Variants in SPON1 observed in about 807,000 individuals in gnomAD.
SPON1 encodes spondin-1.
Under a neutral mutation model 111.7 loss-of-function variants are expected in SPON1, and 52 were observed. That is an observed-to-expected ratio of 0.47 (90% CI 0.37 to 0.59). SPON1 has a LOEUF of 0.59. Among genes scored for constraint, SPON1 ranks in the 20% least tolerant of loss-of-function variants. The pLI, the probability that SPON1 is intolerant of heterozygous loss-of-function variation, is 0.00. For synonymous variants in SPON1, 410 were observed against 395.8 expected, an observed-to-expected ratio of 1.04 and a Z score of -0.43; for missense variants, 957 against 1,068.5, an observed-to-expected ratio of 0.90 and a Z score of 1.46.
intron 2 of SPON1, among the ~76,000 whole-genome samples, chr11:13,984,051 A>T (rs1165484750): frequency 6.6e-6 from 1 of 152,174 alleles, no homozygotes; most frequent in Non-Finnish European, 1.5e-5. Context: ...ATGTCCTTCT[A>T]TGGCAAAGAA....
At chr11:14,226,861 T>G (rs1848745984) in intron 6 of SPON1, among the ~76,000 whole-genome samples, 1 of 152,200 alleles carries the variant, frequency 6.6e-6, no homozygotes, top group Admixed American at 6.5e-5. Flanking sequence ...GAGGCTCCAT[T>G]GCACAGTCAG....
At chr11:14,199,698 T>C (rs1848440888) in intron 6 of SPON1, among the ~76,000 whole-genome samples, 1 of 152,198 alleles carries the variant, frequency 6.6e-6, no homozygotes, top group Admixed American at 6.5e-5. Flanking sequence ...CCTGCACCTT[T>C]TTCTCCTGCT....
chr11:14,185,171 A>G (rs1456675860), intron 6 of SPON1, among the ~76,000 whole-genome samples: 1 of 152,246 alleles, frequency 6.6e-6, no homozygotes, highest in African/African-American at 2.4e-5. Flanking sequence ...TCAAGGAAAC[A>G]GTATTATACA....
intron 6 of SPON1, among the ~76,000 whole-genome samples, chr11:14,216,347 G>T (rs1441163521): frequency 6.6e-6 from 1 of 152,062 alleles, no homozygotes; most frequent in Non-Finnish European, 1.5e-5. Flanking sequence ...TTTAAGTATT[G>T]GGCTATTCAC....
intron 2 of SPON1, among the ~76,000 whole-genome samples, chr11:13,997,690 C>T (rs1451461692): frequency 6.6e-6 from 1 of 152,178 alleles, no homozygotes; most frequent in African/African-American, 2.4e-5. Flanking sequence ...AGGAGAGAGA[C>T]AGTCTTCTCT....
chr11:14,122,032 C>T (rs1484489489), intron 5 of SPON1, among the ~76,000 whole-genome samples: 3 of 151,618 alleles, frequency 2.0e-5, no homozygotes, highest in African/African-American at 4.8e-5. Flanking sequence ...CTCTTTTTCT[C>T]TAGTTATTAG....
At chr11:14,178,404 A>C (rs1051990930) in intron 6 of SPON1, among the ~76,000 whole-genome samples, 1 of 147,642 alleles carries the variant, frequency 6.8e-6, no homozygotes, top group Non-Finnish European at 1.5e-5. Context: ...CCTGGGGAAC[A>C]AAGCGAGACT....
At position 14,056,823 on chromosome 11, in the gene SPON1, G is replaced by A. The variant is rs145981220; in HGVS notation, c.479+15169G>A. Among the ~76,000 whole-genome samples the A allele has an allele frequency of 6.9e-3, 1,049 of 152,240 alleles. 23 individuals carry two copies. Among genetic ancestry groups the A allele is most frequent in the African/African-American group, 0.024 (1,004 of 41,548 alleles). Reference sequence around the variant, plus strand: ...GGAGAATGGTGTGAACCTGGGAAGCGGAGCTTGCAGTAAGCGGAGATCGCG... The same window carrying A: ...GGAGAATGGTGTGAACCTGGGAAGCAGAGCTTGCAGTAAGCGGAGATCGCG... On this transcript the variant is annotated intron_variant, in intron 3 of 15. Transcript: ENST00000576479.
At chr11:14,224,754 G>T in intron 6 of SPON1, 1 of 502,958 alleles carries the variant, frequency 2.0e-6, no homozygotes, top group Non-Finnish European at 4.0e-6. Flanking sequence ...AAGACTGAGG[G>T]AGATATGAGG....
chr11:14,082,620 G>A lies in SPON1; in HGVS notation c.676+2599G>A, dbSNP rs943625947. ...GCTAATTATGATGGGCAGTATGGAG[G>A]AGAGTGTGAGTCAAACCTTCCATGG... is the stretch of plus-strand genomic sequence containing the variant. On this transcript the variant is annotated intron_variant, in intron 5 of 15. Coordinates refer to ENST00000576479, the MANE Select transcript of SPON1 (RefSeq NM_006108.4). 3.9e-5 allele frequency among the ~76,000 whole-genome samples: 6 copies of A among 152,324 alleles called. No homozygotes were observed. The East Asian group carries it at 1.2e-3, about 29-fold the overall frequency.
rs781816298 is a variant in SPON1, at chr11:14,259,287, C to T, written c.1500C>T (p.Ser500=). 1 of 1,611,526 alleles carries T rather than the reference C, an allele frequency of 6.2e-7. No individual in the cohort carries two copies. Among genetic ancestry groups the T allele is most frequent in the South Asian group, 1.1e-5 (1 of 90,330 alleles). The change falls in exon 12 of 16, where the codon TCC becomes TCT. Residue 500 remains serine, a synonymous_variant. Transcript: ENST00000576479. This position sits in a 1 kb window ranked among gnomAD's most constrained non-coding sequence, Gnocchi z 5.0. ...TCACTCGGTGTGTTGCAGACGGCTC[C>T]ACCTGCACCATGTCCGAGTGGATCA... ...MGPGCSDEDG[S]TCTMSEWITW... is the part of the protein sequence containing the mutation.
chr11:14,137,354 C>T (rs1348530866), intron 6 of SPON1, among the ~76,000 whole-genome samples: 1 of 152,170 alleles, frequency 6.6e-6, no homozygotes, highest in South Asian at 2.1e-4. Context: ...ACCACACAGG[C>T]AATGTCTGTC....
chr11:14,171,193 G>A (rs1400427153), intron 6 of SPON1, among the ~76,000 whole-genome samples: 1 of 151,928 alleles, frequency 6.6e-6, no homozygotes, highest in Non-Finnish European at 1.5e-5. Flanking sequence ...GTCTATTCAG[G>A]GATTCAACTT....
rs1849274907 is a variant in SPON1, at chr11:14,266,754, G to A, written c.*1067G>A. On this transcript the variant is annotated 3_prime_UTR_variant, in exon 16 of 16. Coordinates refer to ENST00000576479, the MANE Select transcript of SPON1 (RefSeq NM_006108.4). Reference sequence around the variant, plus strand: ...GCAGAGAGAAAAAGTTACCGAGACAGAAAACAAATCTAAGGGAAAGGAATA... The same window carrying A: ...GCAGAGAGAAAAAGTTACCGAGACAAAAAACAAATCTAAGGGAAAGGAATA... 1 of 152,114 alleles carries A rather than the reference G, an allele frequency of 6.6e-6. No individual in the cohort carries two copies. The highest frequency in any genetic ancestry group is 6.6e-5 in the Admixed American group (1 of 15,262). 9.4% of individuals were successfully genotyped at this position (152,114 alleles called of 1,614,324 possible).
chr11:14,046,349 G>T (rs1030719479), intron 3 of SPON1, among the ~76,000 whole-genome samples: 10 of 152,190 alleles, frequency 6.6e-5, no homozygotes, highest in African/African-American at 2.4e-4. Context: ...AATCTTTACG[G>T]AGTATTCTCA....
intron 5 of SPON1, among the ~76,000 whole-genome samples, chr11:14,088,163 T>G (rs1564902269): frequency 1.3e-5 from 2 of 152,244 alleles, no homozygotes; most frequent in African/African-American, 2.4e-5. Context: ...GTGAGTTTGA[T>G]CCTGTCATTA....
intron 3 of SPON1, among the ~76,000 whole-genome samples, chr11:14,066,806 C>T (rs140728329): frequency 1.2e-3 from 181 of 152,192 alleles, no homozygotes; most frequent in African/African-American, 4.1e-3. Flanking sequence ...TCTTATAAGG[C>T]CTTGTCCACA....
intron 3 of SPON1, among the ~76,000 whole-genome samples, chr11:14,058,022 C>CA (rs1189166812): frequency 1.3e-5 from 2 of 151,564 alleles, no homozygotes; most frequent in South Asian, 2.1e-4. Flanking sequence ...GTCTCAAAAA[C>CA]AAAAAAAGGA....
chr11:13,968,078 G>T (rs1378454424), intron 1 of SPON1, among the ~76,000 whole-genome samples: 1 of 152,168 alleles, frequency 6.6e-6, no homozygotes, highest in Non-Finnish European at 1.5e-5. Context: ...ACCACTATGG[G>T]CTGGTATATC....
Sources: gnomAD v4.1 joint callset for allele counts (sites outside exome capture counted in the v4.1 genomes callset) on GRCh38, gnomAD v4.1.1 for gene constraint, Gnocchi (gnomAD v3.1) non-coding constraint, MANE v1.5 for transcripts, NCBI Gene and HGNC (gene_info 2026-07-23, HGNC 2026-07-21) for gene names.